Variants in HCN1 observed in about 807,000 individuals in gnomAD.
HCN1 encodes the protein hyperpolarization activated cyclic nucleotide gated potassium channel 1, also known as potassium/sodium hyperpolarization-activated cyclic nucleotide-gated channel 1.
In HCN1, 13 loss-of-function variants were observed where a neutral mutation model predicts 78.9. That is an observed-to-expected ratio of 0.16 (90% CI 0.11 to 0.26). The LOEUF (loss-of-function observed/expected upper bound fraction) is 0.26. HCN1 is among the 10% of genes least tolerant of loss of function. The probability of loss-of-function intolerance (pLI) is 1.00; values close to 1 mark genes in which losing one functional copy is unlikely to be tolerated. For synonymous variants in HCN1, 552 were observed against 455.5 expected (o/e 1.21, Z -2.70); for missense variants, 810 against 1,154.3 (o/e 0.70, Z 4.32).
intron 2 of HCN1, among the ~76,000 whole-genome samples, chr5:45,526,018 G>A (rs1742729800): frequency 6.6e-6 from 1 of 151,816 alleles, no homozygotes; most frequent in Admixed American, 6.6e-5. Context: ...TTGGCAGTCG[G>A]CAAACCAAAA....
chr5:45,438,483 TGGG>T (rs1018508641), intron 3 of HCN1, among the ~76,000 whole-genome samples: 5 of 150,112 alleles, frequency 3.3e-5, no homozygotes, highest in African/African-American at 1.2e-4. Flanking sequence ...CCCAGCTACT[TGGG>T]GGGCTGAGGT....
At chr5:45,458,228 T>A (rs2111616676) in intron 3 of HCN1, among the ~76,000 whole-genome samples, 1 of 152,082 alleles carries the variant, frequency 6.6e-6, no homozygotes, top group Admixed American at 6.6e-5. Context: ...TGGGTATAAG[T>A]GCAGATACAG....
chr5:45,696,172 G>T lies in HCN1; in HGVS notation c.-79C>A. Reference sequence around the variant, plus strand: ...GCGCCGGAGACACGTAGCCGAGAGGGTAGGGGCCCGAGCCGGCTGCCGGCG... The same window carrying T: ...GCGCCGGAGACACGTAGCCGAGAGGTTAGGGGCCCGAGCCGGCTGCCGGCG... On this transcript the variant is annotated 5_prime_UTR_variant, in exon 1 of 8. Coordinates refer to ENST00000303230, the MANE Select transcript of HCN1 (RefSeq NM_021072.4). 1.1e-6 allele frequency: 1 copy of T among 952,164 alleles called. No individual in the cohort carries two copies. Among genetic ancestry groups the T allele is most frequent in the Non-Finnish European group, 1.3e-6 (1 of 764,130 alleles). The allele number at this position is 952,164 out of a possible 1,614,324, so 59.0% of individuals were successfully genotyped here.
chr5:45,264,492 A>T (rs1744813958), intron 7 of HCN1, among the ~76,000 whole-genome samples: 1 of 152,240 alleles, frequency 6.6e-6, no homozygotes, highest in South Asian at 2.1e-4. Context: ...TATATTTTTG[A>T]AGATAAATAT....
At chr5:45,360,436 A>G (rs910132616) in intron 4 of HCN1, among the ~76,000 whole-genome samples, 4 of 152,022 alleles carry the variant, frequency 2.6e-5, no homozygotes, top group Non-Finnish European at 5.9e-5. Context: ...ATTGCCAGCT[A>G]TTTACACAGC....
intron 2 of HCN1, among the ~76,000 whole-genome samples, chr5:45,493,457 T>C (rs573228376): frequency 2.0e-5 from 3 of 152,272 alleles, no homozygotes; most frequent in Admixed American, 6.5e-5. Context: ...TGAATGTTTT[T>C]ACACTAAAAT....
chr5:45,346,404 C>A (rs1465848529), intron 5 of HCN1, among the ~76,000 whole-genome samples: 4 of 152,142 alleles, frequency 2.6e-5, no homozygotes. Flanking sequence ...TGAATAGGAA[C>A]AGCTCTGGTC....
chr5:45,487,898 T>TA (rs1208013153), intron 2 of HCN1, among the ~76,000 whole-genome samples: 1 of 152,156 alleles, frequency 6.6e-6, no homozygotes, highest in Non-Finnish European at 1.5e-5. Context: ...GGTTTCGATC[T>TA]AAAAATATTG....
In HCN1 at chr5:45,262,677, G is replaced by T. The variant is rs764520573; in HGVS notation, c.1917C>A (p.Ile639=). ...DREMVQAIAP[I]NYPQMTTLNS... The stretch of plus-strand genomic sequence containing the variant: ...TCAGGGTTGTCATTTGAGGATAATT[G>T]ATGGGAGCGATTGCCTGCACCATCT... The change falls in exon 8 of 8, where the codon ATC becomes ATA. Residue 639 remains isoleucine, a synonymous_variant. Transcript: ENST00000303230. 1 of 1,614,096 alleles carries T rather than the reference G, an allele frequency of 6.2e-7. No homozygotes were observed. Among genetic ancestry groups the T allele is most frequent in the Non-Finnish European group, 8.5e-7 (1 of 1,180,028 alleles).
chr5:45,588,208 A>G (rs1744275776), intron 2 of HCN1, among the ~76,000 whole-genome samples: 1 of 152,210 alleles, frequency 6.6e-6, no homozygotes, highest in Non-Finnish European at 1.5e-5. Context: ...GATAAATAGC[A>G]GGGAAGTCAA....
intron 2 of HCN1, among the ~76,000 whole-genome samples, chr5:45,612,783 G>A (rs1166252286): frequency 6.6e-6 from 1 of 152,052 alleles, no homozygotes; most frequent in African/African-American, 2.4e-5. Context: ...GCCCCATTCT[G>A]TTTTCAAAAA....
intron 3 of HCN1, among the ~76,000 whole-genome samples, chr5:45,426,679 T>C (rs575220985): frequency 6.6e-6 from 1 of 152,142 alleles, no homozygotes; most frequent in Non-Finnish European, 1.5e-5. Context: ...CAGTCTCAGG[T>C]ATGTGTTTAT....
chr5:45,542,586 G>C (rs1046987498), intron 2 of HCN1, among the ~76,000 whole-genome samples: 1 of 152,126 alleles, frequency 6.6e-6, no homozygotes, highest in Non-Finnish European at 1.5e-5. Context: ...TGGTGACAGC[G>C]AGCAGACCAG....
intron 4 of HCN1, among the ~76,000 whole-genome samples, chr5:45,371,689 G>A (rs1011468979): frequency 2.7e-5 from 4 of 149,062 alleles, no homozygotes; most frequent in Non-Finnish European, 4.4e-5. Context: ...CCCGGGAGGC[G>A]AAGGTTGCAG....
intron 1 of HCN1, among the ~76,000 whole-genome samples, chr5:45,664,858 A>C (rs1476506060): frequency 2.0e-5 from 3 of 151,998 alleles, no homozygotes; most frequent in Non-Finnish European, 4.4e-5. Flanking sequence ...GTGGGACTGT[A>C]AACTAGTTCA....
chr5:45,375,887 T>C (rs1447797538), intron 4 of HCN1, among the ~76,000 whole-genome samples: 8 of 123,086 alleles, frequency 6.5e-5, no homozygotes, highest in Middle Eastern at 0.012. Context: ...TTATCTTATA[T>C]ATTATATATG....
chr5:45,347,536 A>G (rs1037963994), intron 5 of HCN1, among the ~76,000 whole-genome samples: 6 of 152,236 alleles, frequency 3.9e-5, no homozygotes, highest in Non-Finnish European at 8.8e-5. Context: ...ATGAGTTGAG[A>G]GAAGAAGGCT....
At chr5:45,340,786 G>A (rs989491155) in intron 5 of HCN1, among the ~76,000 whole-genome samples, 1 of 152,114 alleles carries the variant, frequency 6.6e-6, no homozygotes, top group Admixed American at 6.5e-5. Flanking sequence ...CATCTGAATA[G>A]GATCTAGTTT....
At chr5:45,669,674 C>T (rs1746111924) in intron 1 of HCN1, among the ~76,000 whole-genome samples, 1 of 151,738 alleles carries the variant, frequency 6.6e-6, no homozygotes, top group African/African-American at 2.4e-5. Context: ...TTGAAAATTT[C>T]TCTGAGAGAA....
Sources: gnomAD v4.1 joint callset for allele counts (sites outside exome capture counted in the v4.1 genomes callset) on GRCh38, gnomAD v4.1.1 for gene constraint, MANE v1.5 for transcripts, NCBI Gene and HGNC (gene_info 2026-07-23, HGNC 2026-07-21) for gene names.